Variants in SYT9 observed in about 807,000 individuals in gnomAD.
SYT9 encodes the protein synaptotagmin-9.
In SYT9, 22 loss-of-function variants were observed where a neutral mutation model predicts 48.4. The ratio of observed to expected loss-of-function variants is 0.45; its 90% CI spans 0.32 to 0.65. The LOEUF (loss-of-function observed/expected upper bound fraction) is 0.65, where lower values mean the gene tolerates loss of function less well. Ranked by LOEUF, SYT9 falls within the 30% of genes least tolerant of loss-of-function variation. The probability of loss-of-function intolerance (pLI) is 0.03; values close to 1 mark genes in which losing one functional copy is unlikely to be tolerated. For missense variants in SYT9, 577 were observed against 622.0 expected, an observed-to-expected ratio of 0.93 and a Z score of 0.77; for synonymous variants, 265 against 245.0, an observed-to-expected ratio of 1.08 and a Z score of -0.76.
At chr11:7,278,589 G>A (rs1848439985) in intron 1 of SYT9, among the ~76,000 whole-genome samples, 1 of 152,228 alleles carries the variant, frequency 6.6e-6, no homozygotes, top group East Asian at 1.9e-4. Flanking sequence ...AAAGAGGGTG[G>A]TTCTTTATTA....
At chr11:7,276,649 C>T (rs1279199281) in intron 1 of SYT9, among the ~76,000 whole-genome samples, 1 of 152,210 alleles carries the variant, frequency 6.6e-6, no homozygotes, top group African/African-American at 2.4e-5. Context: ...TGCCTTCCCC[C>T]TCCTGGTGGA....
Position 7,252,358 on chromosome 11 carries a change from G to T in SYT9, c.145+27G>T. On this transcript the variant is annotated intron_variant, in intron 1 of 6. Coordinates refer to ENST00000318881, the MANE Select transcript of SYT9 (RefSeq NM_175733.4). The surrounding 1 kb of genome is among the most constrained non-coding windows in gnomAD (Gnocchi z 6.3). ...TGAGTGCCGCCACCGCCGCCTGGAGGGACCTAAGGGCCCTGGGCTGGGACT... is the reference window on the plus strand; with the variant it reads ...TGAGTGCCGCCACCGCCGCCTGGAGTGACCTAAGGGCCCTGGGCTGGGACT... 7.0e-7 allele frequency: 1 copy of T among 1,431,928 alleles called. No individual in the cohort carries two copies. The highest frequency in any genetic ancestry group is 9.2e-7 in the Non-Finnish European group (1 of 1,090,846). The allele number at this position is 1,431,928 out of a possible 1,614,324, so 88.7% of individuals were successfully genotyped here.
chr11:7,276,300 T>G (rs1848391886), intron 1 of SYT9, among the ~76,000 whole-genome samples: 1 of 152,214 alleles, frequency 6.6e-6, no homozygotes, highest in Non-Finnish European at 1.5e-5. Context: ...TTTCCAGCCA[T>G]CAGACCTCTC....
At chr11:7,381,953 G>A (rs982212123) in intron 3 of SYT9, among the ~76,000 whole-genome samples, 44 of 152,140 alleles carry the variant, frequency 2.9e-4, no homozygotes, top group African/African-American at 1.1e-3. Flanking sequence ...ATCATGTGGG[G>A]AAGGAAGGAA....
chr11:7,290,553 T>C (rs1020657030), intron 1 of SYT9, among the ~76,000 whole-genome samples: 2 of 152,238 alleles, frequency 1.3e-5, no homozygotes, highest in African/African-American at 4.8e-5. Flanking sequence ...ATGCCTATTG[T>C]ATATGTATAT....
At chr11:7,248,835 T>C (rs1231613407), upstream of SYT9, among the ~76,000 whole-genome samples, 1 of 152,148 alleles carries the variant, frequency 6.6e-6, no homozygotes, top group Non-Finnish European at 1.5e-5. Context: ...AAAACAATTC[T>C]AAAATTCATA....
intron 2 of SYT9, among the ~76,000 whole-genome samples, chr11:7,304,001 C>T (rs1294772569): frequency 1.3e-5 from 2 of 152,232 alleles, no homozygotes; most frequent in African/African-American, 4.8e-5. Context: ...GCTTTATGCT[C>T]TTCAGCAGTA....
chr11:7,308,701 G>A (rs1007532993), intron 2 of SYT9, among the ~76,000 whole-genome samples: 5 of 152,152 alleles, frequency 3.3e-5, no homozygotes, highest in African/African-American at 1.2e-4. Context: ...TCATCTTCTG[G>A]TGGGGGAACC....
intron 1 of SYT9, among the ~76,000 whole-genome samples, chr11:7,240,526 C>A (rs1847729950): frequency 6.6e-6 from 1 of 152,146 alleles, no homozygotes; most frequent in African/African-American, 2.4e-5. Context: ...CCAGCCTCCA[C>A]AAACAAGCTT....
At chr11:7,299,697 A>G (rs534540104) in intron 1 of SYT9, among the ~76,000 whole-genome samples, 4 of 152,096 alleles carry the variant, frequency 2.6e-5, no homozygotes, top group African/African-American at 9.6e-5. Context: ...TGTGCCAGGA[A>G]CTCTTTTAGA....
Position 7,419,644 on chromosome 11 carries a change from C to T in SYT9, c.1338-862C>T, listed in dbSNP as rs574022027. Reference sequence around the variant, plus strand: ...GGGCATGGTATCTCACACCTGTAATCCCAGCACTTTGGGAGGCTGAGGCAG... The same window carrying T: ...GGGCATGGTATCTCACACCTGTAATTCCAGCACTTTGGGAGGCTGAGGCAG... On this transcript the variant is annotated intron_variant, in intron 5 of 6. Transcript: ENST00000318881. Among the ~76,000 whole-genome samples the T allele has an allele frequency of 1.7e-3, 254 of 152,246 alleles. 1 individual carries two copies. Among genetic ancestry groups the T allele is most frequent in the African/African-American group, 6.0e-3 (251 of 41,550 alleles).
rs575206650 is a variant in SYT9, at chr11:7,311,939, C to T, written c.498-1456C>T. Among the ~76,000 whole-genome samples the T allele has an allele frequency of 8.0e-4, 122 of 152,266 alleles. 1 individual carries two copies. Among genetic ancestry groups the T allele is most frequent in the Admixed American group, 6.7e-3 (103 of 15,302 alleles). On this transcript the variant is annotated intron_variant, in intron 2 of 6. Coordinates refer to ENST00000318881, the MANE Select transcript of SYT9 (RefSeq NM_175733.4). ...ACAGCAACTCCTGCCTTCCCTCCCC[C>T]GCCCACCCACATCATAAAATACAGA...
intron 1 of SYT9, among the ~76,000 whole-genome samples, chr11:7,288,155 C>A (rs1475547599): frequency 6.6e-6 from 1 of 152,094 alleles, no homozygotes; most frequent in African/African-American, 2.4e-5. Context: ...GCCTGGGAAA[C>A]CCTGGGAGGG....
Position 7,426,191 on chromosome 11 carries a change from G to A in SYT9, c.1467+5556G>A, listed in dbSNP as rs183541058. Among the ~76,000 whole-genome samples the A allele has an allele frequency of 6.6e-5, 10 of 152,138 alleles. No individual in the cohort carries two copies. The East Asian group carries it at 1.5e-3, about 24-fold the overall frequency. On this transcript the variant is annotated intron_variant, in intron 6 of 6. Transcript: ENST00000318881. ...TATAGGGAAGTACAAAGGCTACCTCGTGGCATTGGCTGGAACTGTGCATAT... is the reference window on the plus strand; with the variant it reads ...TATAGGGAAGTACAAAGGCTACCTCATGGCATTGGCTGGAACTGTGCATAT...
intron 6 of SYT9, among the ~76,000 whole-genome samples, chr11:7,458,659 A>T (rs1409781647): frequency 6.6e-6 from 1 of 152,204 alleles, no homozygotes; most frequent in East Asian, 1.9e-4. Flanking sequence ...CCCTGTGGCC[A>T]TGCAGAAATA....
At chr11:7,386,990 C>T (rs1363041560) in intron 3 of SYT9, among the ~76,000 whole-genome samples, 1 of 152,142 alleles carries the variant, frequency 6.6e-6, no homozygotes, top group Non-Finnish European at 1.5e-5. Flanking sequence ...GAGTTCATGT[C>T]CTTTGTAGGG....
intron 6 of SYT9, among the ~76,000 whole-genome samples, chr11:7,464,343 G>A (rs561413118): frequency 1.3e-5 from 2 of 152,294 alleles, no homozygotes; most frequent in African/African-American, 2.4e-5. Flanking sequence ...GAAAGCCAAG[G>A]CAGATAAAGT....
At chr11:7,317,744 T>A (rs1263162427) in intron 3 of SYT9, among the ~76,000 whole-genome samples, 1 of 152,244 alleles carries the variant, frequency 6.6e-6, no homozygotes, top group African/African-American at 2.4e-5. Flanking sequence ...ATATGCACTG[T>A]ATGCTCTGTC....
Position 7,348,688 on chromosome 11 carries a change from CT to C in SYT9, c.1044+34776del, listed in dbSNP as rs34752256. 3.3e-3 allele frequency among the ~76,000 whole-genome samples: 153 copies of C among 47,076 alleles called. 1 individual carries two copies. Among genetic ancestry groups the C allele is most frequent in the African/African-American group, 7.9e-3 (115 of 14,472 alleles). The allele number at this position is 47,076 out of a possible 152,430, so 30.9% of individuals were successfully genotyped here. A position where few individuals can be genotyped will look rare whatever the true frequency, so the allele number is the denominator to read the frequency against. On this transcript the variant is annotated intron_variant, in intron 3 of 6. Transcript: ENST00000318881. Reference sequence around the variant, plus strand: ...CCAGGTATCAGAGCCATCAGACCTCCTTTTTTTTTTTTTTTTTTTTTTTTTT... The same window carrying C: ...CCAGGTATCAGAGCCATCAGACCTCCTTTTTTTTTTTTTTTTTTTTTTTTT...
Sources: gnomAD v4.1 joint callset for allele counts (sites outside exome capture counted in the v4.1 genomes callset) on GRCh38, gnomAD v4.1.1 for gene constraint, Gnocchi (gnomAD v3.1) non-coding constraint, MANE v1.5 for transcripts, NCBI Gene and HGNC (gene_info 2026-07-23, HGNC 2026-07-21) for gene names.